The following SLC4A5 variants were observed in gnomAD, a reference collection of about 807,000 sequenced individuals.
The protein encoded by SLC4A5 is electrogenic sodium bicarbonate cotransporter 4.
In SLC4A5, 96 loss-of-function variants were observed where a neutral mutation model predicts 120.4. The observed-to-expected ratio is 0.80, with a 90% CI of 0.68 to 0.94. The LOEUF (loss-of-function observed/expected upper bound fraction) is 0.94, where lower values mean the gene tolerates loss of function less well. Among genes scored for constraint, SLC4A5 ranks in the 40% least tolerant of loss-of-function variants. The pLI, the probability that SLC4A5 is intolerant of heterozygous loss-of-function variation, is 0.00. For synonymous variants in SLC4A5, 550 were observed against 571.1 expected (o/e 0.96, Z 0.53); for missense variants, 1,259 against 1,459.5 (o/e 0.86, Z 2.24).
At chr2:74,264,820 C>A (rs1489471378) in intron 9 of SLC4A5, among the ~76,000 whole-genome samples, 2 of 152,156 alleles carry the variant, frequency 1.3e-5, no homozygotes, top group Admixed American at 6.5e-5. Flanking sequence ...GTTGTCATGG[C>A]AAGAGGTATC....
chr2:74,329,856 A>G (rs1206950209), intron 4 of SLC4A5, among the ~76,000 whole-genome samples: 1 of 150,800 alleles, frequency 6.6e-6, no homozygotes, highest in Non-Finnish European at 1.5e-5. Flanking sequence ...TGGAAATGTG[A>G]TATGTGAATG....
chr2:74,302,340 G>C (rs1384051021), intron 7 of SLC4A5, among the ~76,000 whole-genome samples: 1 of 152,212 alleles, frequency 6.6e-6, no homozygotes, highest in Non-Finnish European at 1.5e-5. Flanking sequence ...AAAAGGGCTG[G>C]ACGTGGTGGC....
intron 3 of SLC4A5, among the ~76,000 whole-genome samples, chr2:74,337,219 G>A (rs537045910): frequency 6.6e-6 from 1 of 152,130 alleles, no homozygotes; most frequent in African/African-American, 2.4e-5. Flanking sequence ...CAGCTGCTGG[G>A]TGTATCTAGG....
intron 11 of SLC4A5, 53 bp downstream of exon 11, chr2:74,262,084 C>T (rs1225885991): frequency 3.2e-6 from 5 of 1,539,748 alleles, no homozygotes; most frequent in Non-Finnish European, 4.5e-6. Context: ...GGCCATGTCA[C>T]AGCTGCCACA....
rs1670954231 is a variant in SLC4A5, at chr2:74,255,997, C to T, written c.868-65G>A. 4.5e-6 allele frequency: 7 copies of T among 1,567,696 alleles called. No individual in the cohort carries two copies. In the South Asian group the frequency reaches 6.9e-5, roughly 15 times the overall value. On this transcript the variant is annotated intron_variant, in intron 12 of 30. Coordinates refer to ENST00000394019, the Ensembl canonical transcript of SLC4A5. This position sits in a 1 kb window ranked among gnomAD's most constrained non-coding sequence, Gnocchi z 4.0. ...CACCTGCTCTCACTCCCTCACTCCCCTTCAGACTGCTTTGAGGCCTAACTT... is the reference window on the plus strand; with the variant it reads ...CACCTGCTCTCACTCCCTCACTCCCTTTCAGACTGCTTTGAGGCCTAACTT...
chr2:74,290,418 G>C (rs976654402), intron 7 of SLC4A5: 6 of 985,406 alleles, frequency 6.1e-6, no homozygotes, highest in African/African-American at 1.7e-5. Context: ...AGAGAAGAAG[G>C]GGGGTTTGAG....
At chr2:74,281,385 C>G (rs558706570) in intron 8 of SLC4A5, among the ~76,000 whole-genome samples, 75 of 152,326 alleles carry the variant, frequency 4.9e-4, no homozygotes, top group Middle Eastern at 3.4e-3. Context: ...CCTCCACTTG[C>G]AGTCAGGCAG....
intron 27 of SLC4A5, 69 bp downstream of exon 27, chr2:74,226,888 T>C: frequency 1.3e-6 from 2 of 1,537,140 alleles, no homozygotes; most frequent in Non-Finnish European, 1.8e-6. Context: ...GGAGGGGAGG[T>C]TGCGCTGCAC....
chr2:74,267,362 A>C (rs1671338515), intron 8 of SLC4A5, among the ~76,000 whole-genome samples: 1 of 152,222 alleles, frequency 6.6e-6, no homozygotes, highest in African/African-American at 2.4e-5. Flanking sequence ...ACGCTCGATG[A>C]AGCTTTGTCT....
At chr2:74,285,449 C>T (rs1488695866) in intron 8 of SLC4A5, among the ~76,000 whole-genome samples, 3 of 152,158 alleles carry the variant, frequency 2.0e-5, no homozygotes, top group African/African-American at 4.8e-5. Flanking sequence ...TGAATATATG[C>T]GGATTTTGCC....
Position 74,234,476 on chromosome 2 carries a change from C to T in SLC4A5, c.2433+625G>A, listed in dbSNP as rs541519761. On this transcript the variant is annotated intron_variant, in intron 22 of 30. Transcript: ENST00000394019. ...ATAGGCGTGAGCCACCGCACCTGGC[C>T]GGTTGGTGCTCTTATGAGGGAGTAG... 1.7e-3 allele frequency among the ~76,000 whole-genome samples: 262 copies of T among 152,258 alleles called. 4 individuals are homozygous for T. The highest frequency in any genetic ancestry group is 0.017 in the South Asian group (81 of 4,822).
intron 7 of SLC4A5, among the ~76,000 whole-genome samples, chr2:74,289,684 T>C (rs569288128): frequency 9.8e-5 from 15 of 152,308 alleles, no homozygotes; most frequent in Admixed American, 8.5e-4. Context: ...AGACACCAAA[T>C]GTTTAAAGAA....
intron 22 of SLC4A5, among the ~76,000 whole-genome samples, chr2:74,234,883 G>A (rs1376112351): frequency 6.6e-6 from 1 of 152,198 alleles, no homozygotes; most frequent in Non-Finnish European, 1.5e-5. Flanking sequence ...CTCACCTCGT[G>A]ACTATAGATC....
At chr2:74,285,980 G>A in intron 7 of SLC4A5, 78 bp from the exon 8 acceptor site, 7 of 1,458,270 alleles carry the variant, frequency 4.8e-6, no homozygotes, top group Non-Finnish European at 6.4e-6. Context: ...AAATGGAGTA[G>A]GAGGCAAGCA....
At chr2:74,251,678 GAC>G (rs1288393197) in intron 16 of SLC4A5, among the ~76,000 whole-genome samples, 2 of 152,328 alleles carry the variant, frequency 1.3e-5, no homozygotes, top group Non-Finnish European at 2.9e-5. Context: ...TGTGAAGACA[GAC>G]ACACAGGAGG....
rs1672683165 is a variant in SLC4A5 at position 74,307,563 on chromosome 2, A to ACG, written c.80-2884_80-2883insCG. 4 of 660,414 alleles carry ACG rather than the reference A, an allele frequency of 6.1e-6. No individual in the cohort carries two copies. The African/African-American group carries it at 7.2e-5, about 12-fold the overall frequency. 40.9% of individuals were successfully genotyped at this position (660,414 alleles called of 1,614,324 possible). On this transcript the variant is annotated intron_variant, in intron 6 of 30. Coordinates refer to ENST00000394019, the Ensembl canonical transcript of SLC4A5. ...AAGATGGGCACTGTCGATCTGCACA[A>ACG]TGTGGGCATTGTCCACAGTATTTGC...
intron 18 of SLC4A5, among the ~76,000 whole-genome samples, 193 bp from the exon 19 acceptor site, chr2:74,247,500 T>C (rs1475053600): frequency 6.6e-6 from 1 of 152,046 alleles, no homozygotes; most frequent in Non-Finnish European, 1.5e-5. Flanking sequence ...GGGGGTCCAG[T>C]GTTCATCTTT....
At chr2:74,294,343 C>A (rs1298880178) in intron 7 of SLC4A5, among the ~76,000 whole-genome samples, 1 of 152,246 alleles carries the variant, frequency 6.6e-6, no homozygotes, top group South Asian at 2.1e-4. Flanking sequence ...CTCATTGGCG[C>A]ACAAGGGAAG....
intron 18 of SLC4A5, among the ~76,000 whole-genome samples, chr2:74,247,666 C>T (rs1188962046): frequency 3.9e-5 from 6 of 152,026 alleles, no homozygotes; most frequent in East Asian, 1.9e-4. Context: ...AGGCACCCGC[C>T]GCCACGCCTG....
Sources: allele counts gnomAD v4.1 joint callset (sites outside exome capture counted in the v4.1 genomes callset), GRCh38; gene constraint gnomAD v4.1.1; non-coding constraint Gnocchi (gnomAD v3.1); transcripts MANE v1.5; gene names NCBI Gene and HGNC (gene_info 2026-07-23, HGNC 2026-07-21).